Variants in NBPF26 observed in about 807,000 individuals in gnomAD.
NBPF26 encodes the protein NBPF family member NBPF26.
NBPF26 carries 79 observed loss-of-function variants against 119.6 expected under a neutral mutation model. That is an observed-to-expected ratio of 0.66 (90% CI 0.55 to 0.80). NBPF26 has a LOEUF of 0.80. NBPF26 is among the 30% of genes least tolerant of loss of function. The pLI is 0.00. For synonymous variants in NBPF26, 299 were observed against 457.7 expected, an observed-to-expected ratio of 0.65 and a Z score of 4.43; for missense variants, 800 against 1,198.2, an observed-to-expected ratio of 0.67 and a Z score of 4.91.
chr1:120,811,056 C>A (rs1162670893), intron 9 of NBPF26, among the ~76,000 whole-genome samples: 1 of 96,478 alleles, frequency 1.0e-5, no homozygotes, highest in East Asian at 2.3e-4. Context: ...CTGGCTAACA[C>A]GGTGAAACCC....
chr1:120,800,490 A>C lies in NBPF26; in HGVS notation c.752-5066A>C, dbSNP rs1341812339. On this transcript the variant is annotated intron_variant, in intron 4 of 29. Coordinates refer to ENST00000620612, the Ensembl canonical transcript of NBPF26. Reference sequence around the variant, plus strand: ...AATTTTTTGGTAAACATTTATCTTCATATTTCTTGGATATATACCTAGGAG... The same window carrying C: ...AATTTTTTGGTAAACATTTATCTTCCTATTTCTTGGATATATACCTAGGAG... Among the ~76,000 whole-genome samples, 4 of 51,366 alleles carry C rather than the reference A, an allele frequency of 7.8e-5. 1 individual carries two copies. The East Asian group carries it at 1.8e-3, about 24-fold the overall frequency. 33.7% of individuals were successfully genotyped at this position (51,366 alleles called of 152,430 possible). A position where few individuals can be genotyped will look rare whatever the true frequency, so the allele number is the denominator to read the frequency against.
In NBPF26 at chr1:120,785,210, G is replaced by GC. The variant is rs1288038209; in HGVS notation, c.393dup (p.Thr132HisfsTer9). ...ATGCTCAGCCGGGATACCTATGAGT[G>GC]CACCTGTCAAGTCGGGTTTACAGGT... On this transcript the variant is annotated frameshift_variant, in exon 3 of 30. Coordinates refer to ENST00000620612, the Ensembl canonical transcript of NBPF26. LOFTEE classifies it high-confidence loss of function. The GC allele has an allele frequency of 4.8e-6, 7 of 1,445,448 alleles. 2 individuals are homozygous for GC. The highest frequency in any genetic ancestry group is 6.5e-6 in the Non-Finnish European group (7 of 1,081,540). 89.5% of individuals were successfully genotyped at this position (1,445,448 alleles called of 1,614,324 possible). A position where few individuals can be genotyped will look rare whatever the true frequency, so the allele number is the denominator to read the frequency against.
At chr1:120,724,036 C>G (rs1650784289) in exon 1 of NBPF26, 1 of 1,250,950 alleles carries the variant, frequency 8.0e-7, no homozygotes, top group South Asian at 1.7e-5. Flanking sequence ...GGCTTCGGAG[C>G]GTAGCGCCAG....
At position 120,805,517 on chromosome 1, in the gene NBPF26, G is replaced by C. The variant is rs1365418572; in HGVS notation, c.752-39G>C. ...TGATTAAACCGATTTGATTTCACCA[G>C]TTTTTAACCCATCATATGTTTGGGT... On this transcript the variant is annotated intron_variant, in intron 4 of 29. Transcript: ENST00000620612. 1,292 of 1,238,574 alleles carry C rather than the reference G, an allele frequency of 1.0e-3. 197 individuals carry two copies. Among genetic ancestry groups the C allele is most frequent in the Non-Finnish European group, 1.4e-3 (1,242 of 880,252 alleles). The allele number at this position is 1,238,574 out of a possible 1,614,324, so 76.7% of individuals were successfully genotyped here.
At chr1:120,769,322 CT>C (rs1651234209) in intron 2 of NBPF26, among the ~76,000 whole-genome samples, 1 of 151,238 alleles carries the variant, frequency 6.6e-6, no homozygotes, top group Non-Finnish European at 1.5e-5. Flanking sequence ...TCCCCTTTTC[CT>C]TCACCTTCTT....
chr1:120,733,149 G>C (rs1195565734), intron 1 of NBPF26, among the ~76,000 whole-genome samples: 1 of 104,808 alleles, frequency 9.5e-6, no homozygotes, highest in Non-Finnish European at 1.7e-5. Context: ...TTTATGAACA[G>C]ATCTACATAT....
Position 120,782,761 on chromosome 1 carries a change from TATG to T in NBPF26, c.156-2211_156-2209del. Among the ~76,000 whole-genome samples the T allele has an allele frequency of 2.0e-5, 2 of 100,110 alleles. 1 individual carries two copies. The highest frequency in any genetic ancestry group is 4.8e-4 in the East Asian group (2 of 4,140). 65.7% of individuals were successfully genotyped at this position (100,110 alleles called of 152,430 possible). ...TTTTAGCTATTATGAATAATGCTGCTATGAACATTTTTATTATGTGGGCATATG... is the reference window on the plus strand; with the variant it reads ...TTTTAGCTATTATGAATAATGCTGCTAACATTTTTATTATGTGGGCATATG... On this transcript the variant is annotated intron_variant, in intron 2 of 29. Transcript: ENST00000620612.
rs1435866763 is a variant in NBPF26 at position 120,817,919 on chromosome 1, G to A, written c.2372-204G>A. ...TATGGCATTATGGTCTACACATAGA[G>A]GGAGATTTTGGCCTGTGGGTCTGGA... On this transcript the variant is annotated intron_variant, in intron 14 of 29. Coordinates refer to ENST00000620612, the Ensembl canonical transcript of NBPF26. Among the ~76,000 whole-genome samples, 2 of 115,588 alleles carry A rather than the reference G, an allele frequency of 1.7e-5. 1 individual carries two copies. Among genetic ancestry groups the A allele is most frequent in the African/African-American group, 1.0e-4 (2 of 19,452 alleles). The allele number at this position is 115,588 out of a possible 152,430, so 75.8% of individuals were successfully genotyped here.
rs1233208988 is a variant in NBPF26 at position 120,811,637 on chromosome 1, C to G, written c.1565-249C>G. ...ACTCATGGGGTAAAAATCTCAGGGC[C>G]AAGCCTTGCTTTATAGAAACGTATA... On this transcript the variant is annotated intron_variant, in intron 9 of 29. Coordinates refer to ENST00000620612, the Ensembl canonical transcript of NBPF26. Among the ~76,000 whole-genome samples, 5 of 113,404 alleles carry G rather than the reference C, an allele frequency of 4.4e-5. 2 individuals are homozygous for G. Among genetic ancestry groups the G allele is most frequent in the African/African-American group, 2.0e-4 (4 of 19,746 alleles). 74.4% of individuals were successfully genotyped at this position (113,404 alleles called of 152,430 possible). A position where few individuals can be genotyped will look rare whatever the true frequency, so the allele number is the denominator to read the frequency against.
rs1198044125 is a variant in NBPF26, at chr1:120,763,678, G to A, written c.124G>A (p.Val42Ile). The change falls in exon 2 of 30, where the codon GTT becomes ATT. Residue 42 changes from valine to isoleucine, a missense_variant. By Grantham distance (29) the Val-to-Ile change is conservative. Transcript: ENST00000620612. ...ACCCTGTGTAAATAAAGGAATGTGT[G>A]TTACCTACCACAGTGGCACAGGATA... The A allele has an allele frequency of 5.0e-5, 71 of 1,415,422 alleles. 14 individuals carry two copies. The East Asian group carries it at 1.5e-3, about 30-fold the overall frequency. 87.7% of individuals were successfully genotyped at this position (1,415,422 alleles called of 1,614,324 possible).
chr1:120,833,520 T>C, intron 23 of NBPF26, 83 bp from the exon 28 acceptor site: 1 of 524,628 alleles, frequency 1.9e-6, no homozygotes, highest in African/African-American at 4.7e-5. Flanking sequence ...AAACTCTTCC[T>C]TACGTTAGCC....
At chr1:120,785,473 AG>A (rs1484147945) in intron 3 of NBPF26, among the ~76,000 whole-genome samples, 2 of 49,642 alleles carry the variant, frequency 4.0e-5, no homozygotes, top group Non-Finnish European at 6.6e-5. Context: ...TATATATGTC[AG>A]GGCCAGGTGC....
chr1:120,804,236 G>C (rs1386926710), intron 4 of NBPF26, among the ~76,000 whole-genome samples: 60,421 of 81,048 alleles, frequency 0.75, 25,933 homozygotes, highest in African/African-American at 0.84. Context: ...CTCACAAAAC[G>C]TAGGTGGGGA....
At chr1:120,807,737 G>T (rs1230682979) in intron 6 of NBPF26, 28 bp downstream of exon 6, 3 of 1,094,666 alleles carry the variant, frequency 2.7e-6, no homozygotes, top group East Asian at 2.3e-5. Context: ...GGGCAGGCAG[G>T]GGGGCAGGTG....
At chr1:120,816,552 C>T in intron 13 of NBPF26, 70 bp from the exon 14 acceptor site, 1 of 675,472 alleles carries the variant, frequency 1.5e-6, no homozygotes, top group East Asian at 2.7e-5. Context: ...TCAAAACCAG[C>T]TAGGACTCCC....
In NBPF26 at chr1:120,811,523, C is replaced by T. The variant is rs1363299172; in HGVS notation, c.1565-363C>T. On this transcript the variant is annotated intron_variant, in intron 9 of 29. Coordinates refer to ENST00000620612, the Ensembl canonical transcript of NBPF26. ...TTGTGCCTCTGCACTGCAGCCTGCG[C>T]GACAGAGTGAGACTCCGTCTCAAAC... Among the ~76,000 whole-genome samples, 863 of 112,020 alleles carry T rather than the reference C, an allele frequency of 7.7e-3. 344 individuals are homozygous for T. Among genetic ancestry groups the T allele is most frequent in the African/African-American group, 0.042 (815 of 19,324 alleles). The allele number at this position is 112,020 out of a possible 152,430, so 73.5% of individuals were successfully genotyped here. A position where few individuals can be genotyped will look rare whatever the true frequency, so the allele number is the denominator to read the frequency against.
chr1:120,724,033 G>A lies in NBPF26; in HGVS notation c.-145G>A. 9.6e-6 allele frequency: 12 copies of A among 1,250,374 alleles called. 1 individual carries two copies. In the South Asian group the frequency reaches 1.3e-4, roughly 14 times the overall value. The allele number at this position is 1,250,374 out of a possible 1,614,324, so 77.5% of individuals were successfully genotyped here. On this transcript the variant is annotated 5_prime_UTR_variant, in exon 1 of 30. Transcript: ENST00000620612. ...TCGAGGCATTTGCACCTGGGCTTCG[G>A]AGCGTAGCGCCAGGGCCTGAGCCTT...
downstream of NBPF26, chr1:120,840,670 A>G (rs1168139054): frequency 2.1e-6 from 3 of 1,429,822 alleles, 1 homozygote; most frequent in Non-Finnish European, 2.8e-6. Flanking sequence ...ATGAAAGTAC[A>G]GTTCCATTTG....
At position 120,805,653 on chromosome 1, in the gene NBPF26, C is replaced by G. The variant is rs1553269738; in HGVS notation, c.849C>G (p.Asn283Lys). The stretch of plus-strand genomic sequence containing the variant: ...CAGAGATGAACATTCTAGAAATCAA[C>G]GAGACATTGCGCCCCCAGCTGCCAG... Residue 283 changes from asparagine (N) to lysine (K), a missense_variant, in exon 5 of 30, where the codon AAC (asparagine) becomes AAG (lysine). Around this residue, in one of 13 missense-constraint regions of NBPF26, gnomAD observed 155 missense variants for 143.7 expected, o/e 1.08. Transcript: ENST00000620612. 2.1e-5 allele frequency: 31 copies of G among 1,459,006 alleles called. 6 individuals carry two copies. The highest frequency in any genetic ancestry group is 2.1e-5 in the Non-Finnish European group (23 of 1,079,190). The allele number at this position is 1,459,006 out of a possible 1,614,324, so 90.4% of individuals were successfully genotyped here.
Sources: gnomAD v4.1 joint callset for allele counts (sites outside exome capture counted in the v4.1 genomes callset) on GRCh38, gnomAD v4.1.1 for gene constraint, gnomAD v4.1.1 regional missense constraint, MANE v1.5 for transcripts, NCBI Gene and HGNC (gene_info 2026-07-23, HGNC 2026-07-21) for gene names.